RTL4: variants seen among roughly 807,000 people sequenced by gnomAD.
The protein encoded by RTL4 is retrotransposon Gag like 4.
Under a neutral mutation model 5.3 loss-of-function variants are expected in RTL4, and 4 were observed. That is an observed-to-expected ratio of 0.75 (90% CI 0.37 to 1.72). The LOEUF is 1.72. RTL4 is among the 40% of genes most tolerant of loss of function. The probability of loss-of-function intolerance (pLI) is 0.04; values close to 1 mark genes in which losing one functional copy is unlikely to be tolerated. For synonymous variants in RTL4, 98 were observed against 87.3 expected (o/e 1.12, Z -0.68); for missense variants, 260 against 227.1 (o/e 1.14, Z -0.93).
chrX:112,401,064 T>A, the RTL4 span, among the ~76,000 whole-genome samples: 1 of 112,408 alleles, frequency 8.9e-6, no homozygotes. Flanking sequence ...TATTTCATTG[T>A]CTGACGTCAA....
At chrX:112,266,336 C>T in the RTL4 span, among the ~76,000 whole-genome samples, 1 of 111,401 alleles carries the variant, frequency 9.0e-6, no homozygotes, top group Non-Finnish European at 1.9e-5. Flanking sequence ...TGGCAGCATA[C>T]CAATGACTCA....
At chrX:112,428,156 T>C in the RTL4 span, among the ~76,000 whole-genome samples, 1 of 111,744 alleles carries the variant, frequency 8.9e-6, no homozygotes, top group African/African-American at 3.2e-5. Flanking sequence ...CCACATTTTC[T>C]TTATCCATTC....
At chrX:112,138,303 G>A in the RTL4 span, among the ~76,000 whole-genome samples, 1 of 111,936 alleles carries the variant, frequency 8.9e-6, no homozygotes, top group Admixed American at 9.5e-5. Flanking sequence ...ATGAAAGCTG[G>A]GTAATTCCTA....
At chrX:112,247,659 G>A in the RTL4 span, among the ~76,000 whole-genome samples, 25 of 112,118 alleles carry the variant, frequency 2.2e-4, no homozygotes, top group Admixed American at 8.5e-4. Context: ...ATCTCACAGC[G>A]AATAAGTGAC....
chrX:112,415,713 A>T, the RTL4 span, among the ~76,000 whole-genome samples: 4 of 111,591 alleles, frequency 3.6e-5, no homozygotes, highest in African/African-American at 9.8e-5. Context: ...TTTATTAAAG[A>T]TTTTATTTAA....
the RTL4 span, among the ~76,000 whole-genome samples, chrX:112,108,064 T>A: frequency 6.3e-5 from 7 of 111,613 alleles, no homozygotes; most frequent in East Asian, 1.4e-3. Flanking sequence ...GTTCACAGAT[T>A]GTTTCTGCTT....
chrX:112,298,741 G>C, the RTL4 span, among the ~76,000 whole-genome samples: 1 of 112,627 alleles, frequency 8.9e-6, no homozygotes, highest in Admixed American at 9.4e-5. Context: ...CTGCCCTTTG[G>C]GGGTAGTGGG....
chrX:112,381,448 G>A, the RTL4 span: 1 of 1,209,094 alleles, frequency 8.3e-7, no homozygotes, highest in Non-Finnish European at 1.1e-6. Context: ...AACAGCTACT[G>A]GAGGAATCCA....
chrX:112,379,035 G>A, the RTL4 span, among the ~76,000 whole-genome samples: 3 of 112,554 alleles, frequency 2.7e-5, no homozygotes, highest in East Asian at 8.4e-4. Flanking sequence ...AGTGCTCACA[G>A]AATGTTTGAT....
At chrX:112,390,815 A>G in the RTL4 span, among the ~76,000 whole-genome samples, 1 of 111,366 alleles carries the variant, frequency 9.0e-6, no homozygotes, top group Non-Finnish European at 1.9e-5. Flanking sequence ...CTTCTTATGT[A>G]GAATCTTACA....
the RTL4 span, among the ~76,000 whole-genome samples, chrX:112,395,766 C>T: frequency 1.8e-5 from 2 of 111,191 alleles, no homozygotes; most frequent in African/African-American, 6.5e-5. Flanking sequence ...ATTATCCTCT[C>T]AGTAATTATA....
chrX:112,274,779 G>T, the RTL4 span, among the ~76,000 whole-genome samples: 3 of 111,447 alleles, frequency 2.7e-5, no homozygotes, highest in African/African-American at 9.8e-5. Context: ...CTTTCTTTTA[G>T]AGTGTTGCAA....
the RTL4 span, among the ~76,000 whole-genome samples, chrX:112,265,455 C>T: frequency 2.1e-4 from 23 of 112,109 alleles, no homozygotes; most frequent in African/African-American, 7.4e-4. Context: ...GTTAAAACAA[C>T]TTCCATGATT....
chrX:112,435,998 C>G, the RTL4 span, among the ~76,000 whole-genome samples: 1 of 111,753 alleles, frequency 8.9e-6, no homozygotes, highest in African/African-American at 3.3e-5. Context: ...GGGCAGATCA[C>G]CTGAGGTCAG....
chrX:112,148,311 G>T, the RTL4 span, among the ~76,000 whole-genome samples: 629 of 99,915 alleles, frequency 6.3e-3, 5 homozygotes, highest in African/African-American at 0.024. Context: ...TGATCTAACT[G>T]CCATGTGACT....
the RTL4 span, among the ~76,000 whole-genome samples, chrX:112,258,165 G>T: frequency 1.8e-5 from 2 of 110,009 alleles, no homozygotes; most frequent in Middle Eastern, 9.3e-3. Context: ...CTTCTCTTTT[G>T]ATATTTAAAA....
chrX:112,383,983 TAA>T, the RTL4 span, among the ~76,000 whole-genome samples: 1 of 112,141 alleles, frequency 8.9e-6, no homozygotes, highest in African/African-American at 3.2e-5. Context: ...AAATAAAAGT[TAA>T]AGTTATTTTA....
upstream of RTL4, among the ~76,000 whole-genome samples, chrX:112,453,821 G>A (rs1320730259): frequency 8.9e-6 from 1 of 111,835 alleles, no homozygotes; most frequent in Non-Finnish European, 1.9e-5. Context: ...TTCTGGTAGT[G>A]CCAATGCCAT....
chrX:112,092,636 G>A, the RTL4 span, among the ~76,000 whole-genome samples: 64 of 111,617 alleles, frequency 5.7e-4, no homozygotes, highest in Admixed American at 5.4e-3. Flanking sequence ...TCATCTTGTA[G>A]CTCCCATAAG....
Sources: allele counts gnomAD v4.1 joint callset (sites outside exome capture counted in the v4.1 genomes callset), GRCh38; gene constraint gnomAD v4.1.1; transcripts MANE v1.5; gene names NCBI Gene and HGNC (gene_info 2026-07-23, HGNC 2026-07-21).